FBRSL1: variants seen among roughly 807,000 people sequenced by gnomAD.
FBRSL1 encodes fibrosin like 1.
In FBRSL1, 51 loss-of-function variants were observed where a neutral mutation model predicts 89.6. The ratio of observed to expected loss-of-function variants is 0.57; its 90% confidence interval spans 0.45 to 0.72. FBRSL1 has a LOEUF of 0.72. Ranked by LOEUF, FBRSL1 falls within the 30% of genes least tolerant of loss-of-function variation. FBRSL1 has a pLI of 0.00. For synonymous variants in FBRSL1, 779 were observed against 681.1 expected (o/e 1.14, Z -2.24); for missense variants, 1,618 against 1,451.8 (o/e 1.11, Z -1.86).
At chr12:132,511,077 C>G (rs372581713) in intron 2 of FBRSL1, 1 of 985,618 alleles carries the variant, frequency 1.0e-6, no homozygotes, top group Non-Finnish European at 1.2e-6. Context: ...AGTCCAGGCC[C>G]TCCCCCTGGT....
At chr12:132,568,004 G>C (rs964751415) in intron 6 of FBRSL1, among the ~76,000 whole-genome samples, 2 of 152,184 alleles carry the variant, frequency 1.3e-5, no homozygotes, top group Admixed American at 6.5e-5. Context: ...TGAGCTATGG[G>C]ACAGGGTGTC....
chr12:132,511,475 CTT>C (rs1443696408), intron 2 of FBRSL1: 50 of 985,968 alleles, frequency 5.1e-5, no homozygotes, highest in Non-Finnish European at 5.8e-5. Context: ...CCACTCGAGT[CTT>C]CTGGAGTCCA....
intron 1 of FBRSL1, among the ~76,000 whole-genome samples, chr12:132,491,961 C>T (rs1462353837): frequency 6.6e-6 from 1 of 152,236 alleles, no homozygotes; most frequent in Non-Finnish European, 1.5e-5. Context: ...ATCACACAGG[C>T]TGGCCATCCT....
rs981512793 is a variant in FBRSL1 at position 132,546,607 on chromosome 12, G to A, written c.616-1396G>A. On this transcript the variant is annotated intron_variant, in intron 4 of 18. Coordinates refer to ENST00000680143, the MANE Select transcript of FBRSL1 (RefSeq NM_001367871.1). This position sits in a 1 kb window ranked among gnomAD's most constrained non-coding sequence, Gnocchi z 4.0. Reference sequence around the variant, plus strand: ...ACGGCTGAAAGGCCAGACCGGGGGGGACCCTAGGAGAGGGCTTGGCCACGG... The same window carrying A: ...ACGGCTGAAAGGCCAGACCGGGGGGAACCCTAGGAGAGGGCTTGGCCACGG... Among the ~76,000 whole-genome samples, 1 of 151,370 alleles carries A rather than the reference G, an allele frequency of 6.6e-6. No homozygotes were observed. The highest frequency in any genetic ancestry group is 2.4e-5 in the African/African-American group (1 of 41,164).
At chr12:132,531,379 G>A (rs2036264221) in intron 4 of FBRSL1, among the ~76,000 whole-genome samples, 1 of 152,086 alleles carries the variant, frequency 6.6e-6, no homozygotes, top group East Asian at 1.9e-4. Flanking sequence ...GTGTGTGCAT[G>A]TGCATGTGTG....
intron 5 of FBRSL1, among the ~76,000 whole-genome samples, chr12:132,549,122 A>G (rs1473974175): frequency 6.6e-6 from 1 of 152,156 alleles, no homozygotes; most frequent in Non-Finnish European, 1.5e-5. Flanking sequence ...CGACGTACCA[A>G]GAAGTCAAGG....
At position 132,490,780 on chromosome 12, in the gene FBRSL1, C is replaced by T. The variant is rs2030729315; in HGVS notation, c.210C>T (p.Arg70=). ...GCACCGCGCGTCCCCCGCGCCGCCG[C>T]CGCCGCGAGTCCAGCTCGCAGGAGG... ...APRTARPPRR[R]RRESSSQEEE... Residue 70 remains arginine, a synonymous_variant, in exon 1 of 19, where the codon CGC becomes CGT. Coordinates refer to ENST00000680143, the MANE Select transcript of FBRSL1 (RefSeq NM_001367871.1). 1 of 1,223,180 alleles carries T rather than the reference C, an allele frequency of 8.2e-7. No homozygotes were observed. Among genetic ancestry groups the T allele is most frequent in the Non-Finnish European group, 1.0e-6 (1 of 980,384 alleles). 75.8% of individuals were successfully genotyped at this position (1,223,180 alleles called of 1,614,324 possible).
chr12:132,522,656 C>T (rs778514897), intron 2 of FBRSL1, among the ~76,000 whole-genome samples: 27 of 152,226 alleles, frequency 1.8e-4, no homozygotes, highest in Non-Finnish European at 3.2e-4. Flanking sequence ...GTTCCTCCTG[C>T]CCTGCTCCTG....
chr12:132,519,220 A>T (rs1315412030), intron 2 of FBRSL1, among the ~76,000 whole-genome samples: 1 of 152,274 alleles, frequency 6.6e-6, no homozygotes, highest in East Asian at 1.9e-4. Context: ...TCTACTGAAG[A>T]GAGACACAGA....
chr12:132,580,166 C>T (rs1228190005), intron 15 of FBRSL1, among the ~76,000 whole-genome samples: 3 of 152,168 alleles, frequency 2.0e-5, no homozygotes, highest in Non-Finnish European at 4.4e-5. Context: ...TGGCTCACTG[C>T]GACCTCCACC....
In FBRSL1 at chr12:132,582,163, T is replaced by C. The variant is rs1566252811; in HGVS notation, c.2098T>C (p.Phe700Leu). ...WNRLHRAPPS[F>L]PAPPPWPKSV... Reference sequence around the variant, plus strand: ...CCGACTGCACCGGGCACCGCCCTCCTTCCCGGCTCCGCCCCCGTGGCCCAA... The same window carrying C: ...CCGACTGCACCGGGCACCGCCCTCCCTCCCGGCTCCGCCCCCGTGGCCCAA... The change falls in exon 18 of 19, where the codon TTC (phenylalanine) becomes CTC (leucine). Residue 700 changes from phenylalanine (F) to leucine (L), a missense_variant. Coordinates refer to ENST00000680143, the MANE Select transcript of FBRSL1 (RefSeq NM_001367871.1). 2 of 1,549,950 alleles carry C rather than the reference T, an allele frequency of 1.3e-6. No homozygotes were observed. The highest frequency in any genetic ancestry group is 1.7e-6 in the Non-Finnish European group (2 of 1,146,830).
intron 9 of FBRSL1, chr12:132,572,031 A>G (rs2040054543): frequency 1.8e-6 from 1 of 554,426 alleles, no homozygotes; most frequent in African/African-American, 1.9e-5. Context: ...AGCCAGGCAC[A>G]CAGACTGCCT....
intron 5 of FBRSL1, chr12:132,553,706 C>A (rs1574157): frequency 0.16 from 24,556 of 152,080 alleles, 2,866 homozygotes; most frequent in East Asian, 0.4. Context: ...CCAGCAGAAG[C>A]GGGGCCTGGC....
rs897471013 is a variant in FBRSL1 at position 132,581,044 on chromosome 12, T to C, written c.1835-395T>C. On this transcript the variant is annotated intron_variant, in intron 15 of 18. Coordinates refer to ENST00000680143, the MANE Select transcript of FBRSL1 (RefSeq NM_001367871.1). ...CCAGGCCTGAGGCCCAGCACCACAT[T>C]AAGAAGTGAGGACCATCTATCAGCT... The C allele has an allele frequency of 4.1e-6, 4 of 985,338 alleles. No individual in the cohort carries two copies. The Admixed American group carries it at 2.5e-4, about 61-fold the overall frequency. 61.0% of individuals were successfully genotyped at this position (985,338 alleles called of 1,614,324 possible). A position where few individuals can be genotyped will look rare whatever the true frequency, so the allele number is the denominator to read the frequency against.
intron 15 of FBRSL1, among the ~76,000 whole-genome samples, chr12:132,578,064 G>A (rs2040490198): frequency 6.6e-6 from 1 of 152,246 alleles, no homozygotes; most frequent in East Asian, 1.9e-4. Context: ...CCGAAACTTA[G>A]CCTACTGTTG....
intron 4 of FBRSL1, among the ~76,000 whole-genome samples, 167 bp downstream of exon 4, chr12:132,528,155 G>T (rs2035958278): frequency 6.6e-6 from 1 of 151,686 alleles, no homozygotes; most frequent in Non-Finnish European, 1.5e-5. Context: ...GGGGTTGGTG[G>T]GGGGTGGACA....
chr12:132,528,172 A>G (rs1176653168), intron 4 of FBRSL1, among the ~76,000 whole-genome samples, 184 bp downstream of exon 4: 3 of 152,066 alleles, frequency 2.0e-5, no homozygotes, highest in Non-Finnish European at 2.9e-5. Context: ...GACAAGCTCC[A>G]GAGTGAAGAT....
chr12:132,580,920 G>T (rs1049266495), intron 15 of FBRSL1: 11 of 985,356 alleles, frequency 1.1e-5, no homozygotes, highest in Non-Finnish European at 1.3e-5. Flanking sequence ...TTGTTGGGGG[G>T]CCAGGGCTGA....
At chr12:132,514,928 CT>C (rs569869056) in intron 2 of FBRSL1, among the ~76,000 whole-genome samples, 1 of 152,052 alleles carries the variant, frequency 6.6e-6, no homozygotes, top group African/African-American at 2.4e-5. Context: ...CTTTTTTACT[CT>C]TTTTTTTGTA....
Sources: allele counts gnomAD v4.1 joint callset (sites outside exome capture counted in the v4.1 genomes callset), GRCh38; gene constraint gnomAD v4.1.1; non-coding constraint Gnocchi (gnomAD v3.1); transcripts MANE v1.5; gene names NCBI Gene and HGNC (gene_info 2026-07-23, HGNC 2026-07-21).